MYO1B: variants seen among roughly 807,000 people sequenced by gnomAD.
The protein encoded by MYO1B is myosin IB, also known as unconventional myosin-Ib.
In MYO1B, 72 loss-of-function variants were observed where a neutral mutation model predicts 159.7. The ratio of observed to expected loss-of-function variants is 0.45; its 90% CI spans 0.37 to 0.55. MYO1B has a LOEUF of 0.55. Among genes scored for constraint, MYO1B ranks in the 20% least tolerant of loss-of-function variants. The pLI, the probability that MYO1B is intolerant of heterozygous loss-of-function variation, is 0.00. For synonymous variants in MYO1B, 468 were observed against 473.8 expected (o/e 0.99, Z 0.16); for missense variants, 1,062 against 1,364.8 (o/e 0.78, Z 3.50).
At chr2:191,416,714 T>C (rs1697593379) in intron 30 of MYO1B, among the ~76,000 whole-genome samples, 2 of 151,734 alleles carry the variant, frequency 1.3e-5, no homozygotes, top group Admixed American at 1.3e-4. Context: ...CTCAAGAGGC[T>C]GAGGCAGGAG....
rs1321913072 is a variant in MYO1B at position 191,383,533 on chromosome 2, CACACACACACACACAT to C, written c.1353+193_1353+208del. On this transcript the variant is annotated intron_variant, in intron 15 of 30. Coordinates refer to ENST00000392318, the MANE Select transcript of MYO1B (RefSeq NM_001130158.3). ...ATACACGTACACACACACACACACA[CACACACACACACACAT>C]ATATATATATGTTAAGGAACTGCAG... 5.6e-3 allele frequency among the ~76,000 whole-genome samples: 703 copies of C among 126,206 alleles called. 7 individuals are homozygous for C. Among genetic ancestry groups the C allele is most frequent in the Non-Finnish European group, 9.2e-3 (552 of 60,214 alleles). 82.8% of individuals were successfully genotyped at this position (126,206 alleles called of 152,430 possible).
At chr2:191,384,904 T>A (rs1517846) in intron 15 of MYO1B, among the ~76,000 whole-genome samples, 1,551 of 152,322 alleles carry the variant, frequency 0.01, 61 homozygotes, top group Admixed American at 0.076. Flanking sequence ...CAATAATGTT[T>A]GTTCTGGGGA....
chr2:191,387,143 T>C (rs1415371820), intron 16 of MYO1B, 81 bp from the exon 17 acceptor site: 1 of 1,365,428 alleles, frequency 7.3e-7, no homozygotes, highest in Non-Finnish European at 1.0e-6. Context: ...GCAATGTAGA[T>C]AGTCTTGGAG....
chr2:191,331,410 T>G (rs1691465293), intron 4 of MYO1B, among the ~76,000 whole-genome samples: 1 of 152,210 alleles, frequency 6.6e-6, no homozygotes, highest in Non-Finnish European at 1.5e-5. Context: ...CAGGTTCAGC[T>G]AACAAAATTC....
At chr2:191,390,585 T>G in intron 18 of MYO1B, 93 bp downstream of exon 18, 1 of 1,376,506 alleles carries the variant, frequency 7.3e-7, no homozygotes, top group Non-Finnish European at 9.7e-7. Flanking sequence ...AAACAGAATT[T>G]TATGAAAAAC....
At chr2:191,373,262 A>G (rs1159891123) in intron 13 of MYO1B, among the ~76,000 whole-genome samples, 1 of 152,220 alleles carries the variant, frequency 6.6e-6, no homozygotes, top group African/African-American at 2.4e-5. Context: ...TTGCAAATTC[A>G]GATGTCTAGG....
intron 30 of MYO1B, among the ~76,000 whole-genome samples, chr2:191,419,579 A>G (rs1054368407): frequency 6.6e-6 from 1 of 152,186 alleles, no homozygotes; most frequent in African/African-American, 2.4e-5. Context: ...AGTTAATAGT[A>G]AAACAGCCTC....
intron 4 of MYO1B, among the ~76,000 whole-genome samples, chr2:191,338,955 T>C (rs1692036069): frequency 6.6e-6 from 1 of 152,212 alleles, no homozygotes. Flanking sequence ...TTCAGTCTCC[T>C]AGTATTACGA....
At chr2:191,283,384 T>C (rs148782822) in intron 2 of MYO1B, among the ~76,000 whole-genome samples, 28 of 152,340 alleles carry the variant, frequency 1.8e-4, no homozygotes, top group African/African-American at 6.7e-4. Flanking sequence ...ATGGTAGCAC[T>C]AAGAAGCAAA....
intron 21 of MYO1B, among the ~76,000 whole-genome samples, chr2:191,399,084 C>T (rs1696416840): frequency 6.6e-6 from 1 of 152,094 alleles, no homozygotes; most frequent in East Asian, 1.9e-4. Context: ...GCCAACACAG[C>T]AAAACCCCGT....
intron 21 of MYO1B, among the ~76,000 whole-genome samples, chr2:191,399,208 T>C (rs1241978009): frequency 1.3e-5 from 2 of 151,784 alleles, no homozygotes; most frequent in African/African-American, 2.4e-5. Context: ...TGAGCTGAGA[T>C]GGCAGCAGTA....
intron 2 of MYO1B, among the ~76,000 whole-genome samples, chr2:191,281,053 A>G (rs1011651963): frequency 6.6e-6 from 1 of 152,224 alleles, no homozygotes; most frequent in Non-Finnish European, 1.5e-5. Flanking sequence ...TTTCAAATGT[A>G]ATTCAAAGCT....
chr2:191,277,042 C>T lies in MYO1B; in HGVS notation c.135+12C>T, dbSNP rs757408431. 2.9e-5 allele frequency: 46 copies of T among 1,611,304 alleles called. No individual in the cohort carries two copies. The highest frequency in any genetic ancestry group is 3.6e-5 in the Non-Finnish European group (42 of 1,179,326). On this transcript the variant is annotated intron_variant, in intron 2 of 30. Transcript: ENST00000392318. ...ACAGTGAAATATACGTAAGTACACA[C>T]GAAGGTCATCTGTAATGTTTAGACT...
At chr2:191,267,915 T>C (rs778964921) in intron 1 of MYO1B, among the ~76,000 whole-genome samples, 23 of 152,332 alleles carry the variant, frequency 1.5e-4, no homozygotes, top group Admixed American at 4.6e-4. Context: ...GTAGCGATGA[T>C]GGAAACCGTC....
At position 191,366,752 on chromosome 2, in the gene MYO1B, C is replaced by T. The variant is rs182340198; in HGVS notation, c.1032+2476C>T. Among the ~76,000 whole-genome samples, 26 of 152,170 alleles carry T rather than the reference C, an allele frequency of 1.7e-4. No homozygotes were observed. The East Asian group carries it at 5.0e-3, about 29-fold the overall frequency. On this transcript the variant is annotated intron_variant, in intron 11 of 30. Coordinates refer to ENST00000392318, the MANE Select transcript of MYO1B (RefSeq NM_001130158.3). ...TCTGCTCCGACCTGCCTATCACCCC[C>T]CATGTCATGCTCATTCTTTCTGCCC...
chr2:191,319,509 C>T (rs375381579), intron 3 of MYO1B, among the ~76,000 whole-genome samples: 1 of 152,134 alleles, frequency 6.6e-6, no homozygotes, highest in Non-Finnish European at 1.5e-5. Context: ...CATGATGGAA[C>T]TTACTTGTTT....
At chr2:191,306,815 G>A (rs905097576) in intron 3 of MYO1B, among the ~76,000 whole-genome samples, 1 of 152,160 alleles carries the variant, frequency 6.6e-6, no homozygotes, top group Admixed American at 6.5e-5. Flanking sequence ...GGAAGCAGTA[G>A]TGGGTACCTA....
intron 30 of MYO1B, 26 bp downstream of exon 30, chr2:191,416,268 C>A: frequency 6.2e-7 from 1 of 1,613,012 alleles, no homozygotes; most frequent in Non-Finnish European, 8.5e-7. Context: ...GTTTGAAAAC[C>A]CTTTTTCTCT....
intron 4 of MYO1B, among the ~76,000 whole-genome samples, chr2:191,338,014 G>A (rs571982961): frequency 1.8e-4 from 28 of 152,258 alleles, no homozygotes; most frequent in African/African-American, 6.5e-4. Context: ...CCAGCGTGGT[G>A]AAATATTATG....
Sources: allele counts gnomAD v4.1 joint callset (sites outside exome capture counted in the v4.1 genomes callset), GRCh38; gene constraint gnomAD v4.1.1; transcripts MANE v1.5; gene names NCBI Gene and HGNC (gene_info 2026-07-23, HGNC 2026-07-21).